Variants in ZGRF1 observed in about 807,000 individuals in gnomAD.
ZGRF1 encodes the protein zinc finger GRF-type containing 1, also known as 5'-3' DNA helicase ZGRF1.
ZGRF1 carries 196 observed loss-of-function variants against 203.5 expected under a neutral mutation model. That is an observed-to-expected ratio of 0.96 (90% CI 0.86 to 1.08). The LOEUF (loss-of-function observed/expected upper bound fraction) is 1.08, where lower values mean the gene tolerates loss of function less well. ZGRF1 is among the 50% of genes least tolerant of loss of function. The pLI, the probability that ZGRF1 is intolerant of heterozygous loss-of-function variation, is 0.00. For synonymous variants in ZGRF1, 809 were observed against 841.3 expected, an observed-to-expected ratio of 0.96 and a Z score of 0.66; for missense variants, 2,326 against 2,416.3, an observed-to-expected ratio of 0.96 and a Z score of 0.78.
rs576300722 is a variant in ZGRF1 at position 112,584,278 on chromosome 4, T to A, written c.4102-104A>T. 3.0e-5 allele frequency: 18 copies of A among 597,666 alleles called. No homozygotes were observed. In the East Asian group the frequency reaches 4.5e-4, roughly 15 times the overall value. The allele number at this position is 597,666 out of a possible 1,614,324, so 37.0% of individuals were successfully genotyped here. ...TTCTATGAAGACTGCTTGGCATTAC[T>A]GTACTCCAGTAAATTAGTCACTATA... On this transcript the variant is annotated intron_variant, in intron 14 of 27. Coordinates refer to ENST00000505019, the MANE Select transcript of ZGRF1 (RefSeq NM_018392.5).
At chr4:112,597,073 G>C (rs1051531983) in intron 10 of ZGRF1, among the ~76,000 whole-genome samples, 1 of 151,864 alleles carries the variant, frequency 6.6e-6, no homozygotes, top group African/African-American at 2.4e-5. Flanking sequence ...AATTAGCCAG[G>C]TGTGGTGGTG....
At chr4:112,561,051 G>T in intron 18 of ZGRF1, 56 bp from the exon 19 acceptor site, 1 of 1,338,222 alleles carries the variant, frequency 7.5e-7, no homozygotes, top group Non-Finnish European at 1.1e-6. Flanking sequence ...TGAAAAAGAT[G>T]AGTAGAATAA....
At position 112,620,042 on chromosome 4, in the gene ZGRF1, G is replaced by A; in HGVS notation, c.311C>T (p.Ser104Phe). ...NSRTFISSGR[S>F]LGCQPSGLKR... ...TAAGCCAGAGGGCTGACATCCAAGA[G>A]ATCGGCCAGAGGATATAAATGTCCT... Residue 104 changes from serine (S) to phenylalanine (F), a missense_variant, in exon 5 of 28, where the codon TCT (serine) becomes TTT (phenylalanine). Physicochemically the swap from Ser to Phe is radical, Grantham distance 155. Transcript: ENST00000505019. The A allele has an allele frequency of 6.2e-7, 1 of 1,606,394 alleles. No individual in the cohort carries two copies. The highest frequency in any genetic ancestry group is 8.5e-7 in the Non-Finnish European group (1 of 1,177,226).
chr4:112,610,093 G>A lies in ZGRF1; in HGVS notation c.2668-664C>T, dbSNP rs1020973125. ...GGTCAAGGCTGCAGGAGCCAATCAC[G>A]CTACTGCAGTCCAGCCTGGGCAACA... On this transcript the variant is annotated intron_variant, in intron 7 of 27. Coordinates refer to ENST00000505019, the MANE Select transcript of ZGRF1 (RefSeq NM_018392.5). 3.0e-4 allele frequency among the ~76,000 whole-genome samples: 46 copies of A among 151,882 alleles called. 1 individual carries two copies. The highest frequency in any genetic ancestry group is 2.6e-3 in the Admixed American group (40 of 15,242).
At chr4:112,563,327 A>T (rs1742365782) in intron 16 of ZGRF1, 53 bp from the exon 17 acceptor site, 2 of 1,333,040 alleles carry the variant, frequency 1.5e-6, no homozygotes, top group African/African-American at 3.0e-5. Flanking sequence ...GTATGGTTTT[A>T]TATTTTTAGA....
intron 8 of ZGRF1, among the ~76,000 whole-genome samples, chr4:112,606,507 C>T (rs1750797022): frequency 6.6e-6 from 1 of 151,886 alleles, no homozygotes. Context: ...ACTAAAAATA[C>T]AAAATTAGCC....
intron 8 of ZGRF1, among the ~76,000 whole-genome samples, 183 bp downstream of exon 8, chr4:112,609,196 G>A (rs1004421516): frequency 3.3e-5 from 5 of 151,794 alleles, no homozygotes; most frequent in African/African-American, 1.2e-4. Flanking sequence ...CGGGACTACA[G>A]GTACCTGCCA....
intron 6 of ZGRF1, among the ~76,000 whole-genome samples, chr4:112,615,501 G>T (rs2046835565): frequency 6.6e-6 from 1 of 152,024 alleles, no homozygotes; most frequent in Non-Finnish European, 1.5e-5. Context: ...TGGGATTACA[G>T]GCATGAGCCA....
intron 3 of ZGRF1, among the ~76,000 whole-genome samples, chr4:112,626,348 T>A (rs568548713): frequency 6.6e-6 from 1 of 152,348 alleles, no homozygotes; most frequent in Non-Finnish European, 1.5e-5. Context: ...AATCAGATCA[T>A]GTTATGCTCC....
intron 10 of ZGRF1, among the ~76,000 whole-genome samples, chr4:112,590,123 A>G (rs920304545): frequency 1.3e-5 from 2 of 152,156 alleles, no homozygotes; most frequent in Non-Finnish European, 2.9e-5. Flanking sequence ...TCAGATTTTG[A>G]TTTGGACTGG....
In ZGRF1 at chr4:112,547,331, T is replaced by C. The variant is rs1341641494; in HGVS notation, c.5552A>G (p.His1851Arg). 6.2e-7 allele frequency: 1 copy of C among 1,613,584 alleles called. No homozygotes were observed. The highest frequency in any genetic ancestry group is 1.7e-5 in the Admixed American group (1 of 59,946). ...PPTIQGSDAA[H>R]ENGLEQTLFD... ...AAGAGTTTGTTCCAATCCATTTTCA[T>C]GAGCTGCATCAGAACCCTGAATAGT... is the stretch of plus-strand genomic sequence containing the variant. The change falls in exon 24 of 28, where the codon CAT becomes CGT. Residue 1851 changes from histidine to arginine, a missense_variant. Coordinates refer to ENST00000505019, the MANE Select transcript of ZGRF1 (RefSeq NM_018392.5).
chr4:112,602,562 T>C (rs1750147651), intron 10 of ZGRF1, among the ~76,000 whole-genome samples: 1 of 152,254 alleles, frequency 6.6e-6, no homozygotes, highest in Non-Finnish European at 1.5e-5. Flanking sequence ...ATGTCACGCA[T>C]GTGTGTATAT....
intron 8 of ZGRF1, among the ~76,000 whole-genome samples, chr4:112,607,182 T>C (rs572339945): frequency 6.6e-6 from 1 of 152,314 alleles, no homozygotes; most frequent in East Asian, 1.9e-4. Flanking sequence ...TGGAGTGCAG[T>C]GGCGCAATCG....
chr4:112,544,721 G>A (rs1213748141), intron 24 of ZGRF1, among the ~76,000 whole-genome samples: 2 of 152,130 alleles, frequency 1.3e-5, no homozygotes, highest in Admixed American at 1.3e-4. Flanking sequence ...TAGTTGTATA[G>A]TTTGTATAGA....
intron 23 of ZGRF1, 134 bp from the exon 24 acceptor site, chr4:112,547,542 G>A: frequency 1.3e-6 from 1 of 763,380 alleles, no homozygotes; most frequent in Non-Finnish European, 2.0e-6. Flanking sequence ...ATAAAGCTTA[G>A]TAGTGCTATT....
chr4:112,616,708 G>A (rs2046886741), intron 6 of ZGRF1, among the ~76,000 whole-genome samples: 1 of 150,904 alleles, frequency 6.6e-6, no homozygotes, highest in Admixed American at 6.6e-5. Context: ...GTGGTCGTGG[G>A]TGCCTGTAAT....
At chr4:112,615,702 C>T (rs1024431953) in intron 6 of ZGRF1, among the ~76,000 whole-genome samples, 1 of 150,380 alleles carries the variant, frequency 6.6e-6, no homozygotes, top group African/African-American at 2.5e-5. Flanking sequence ...GGCATGATCT[C>T]GGCTCACTGC....
chr4:112,613,452 A>AC (rs1485106661), intron 6 of ZGRF1, among the ~76,000 whole-genome samples: 1 of 148,194 alleles, frequency 6.7e-6, no homozygotes, highest in Non-Finnish European at 1.5e-5. Flanking sequence ...AGTGAACAAG[A>AC]CAAAAAAAAA....
rs1460808877 is a variant in ZGRF1 at position 112,628,846 on chromosome 4, C to A, written c.102+3084G>T. ...AAATATCTACAAGATTTTAAAGACA[C>A]TGGATCTAAAGAAAAAGGCAGAATA... On this transcript the variant is annotated intron_variant, in intron 3 of 27. Coordinates refer to ENST00000505019, the MANE Select transcript of ZGRF1 (RefSeq NM_018392.5). 3 of 436,686 alleles carry A rather than the reference C, an allele frequency of 6.9e-6. No individual in the cohort carries two copies. The East Asian group carries it at 2.1e-4, about 30-fold the overall frequency. 27.1% of individuals were successfully genotyped at this position (436,686 alleles called of 1,614,324 possible). A position where few individuals can be genotyped will look rare whatever the true frequency, so the allele number is the denominator to read the frequency against.
Sources: gnomAD v4.1 joint callset for allele counts (sites outside exome capture counted in the v4.1 genomes callset) on GRCh38, gnomAD v4.1.1 for gene constraint, MANE v1.5 for transcripts, NCBI Gene and HGNC (gene_info 2026-07-23, HGNC 2026-07-21) for gene names.